The following IMMP2L variants were observed in gnomAD, a reference collection of about 807,000 sequenced individuals.
IMMP2L encodes mitochondrial inner membrane protease subunit 2.
In IMMP2L, 18 loss-of-function variants were observed where a neutral mutation model predicts 19.3. That is an observed-to-expected ratio of 0.93 (90% CI 0.64 to 1.38). IMMP2L has a LOEUF of 1.38. Among genes scored for constraint, IMMP2L ranks in the 40% most tolerant of loss-of-function variants. The probability of loss-of-function intolerance (pLI) is 0.00; values close to 1 mark genes in which losing one functional copy is unlikely to be tolerated. For missense variants in IMMP2L, 233 were observed against 218.2 expected (o/e 1.07, Z -0.43); for synonymous variants, 76 against 73.0 (o/e 1.04, Z -0.21).
intron 5 of IMMP2L, among the ~76,000 whole-genome samples, chr7:110,691,909 G>T (rs1793533400): frequency 6.6e-6 from 1 of 152,150 alleles, no homozygotes; most frequent in Non-Finnish European, 1.5e-5. Flanking sequence ...ATTTCTCAAA[G>T]AAATTAAAAG....
At chr7:110,800,876 G>A (rs1384543919) in intron 5 of IMMP2L, among the ~76,000 whole-genome samples, 1 of 152,068 alleles carries the variant, frequency 6.6e-6, no homozygotes, top group Non-Finnish European at 1.5e-5. Context: ...GGATGAAGAA[G>A]TGGCTCCAAG....
At chr7:111,331,312 A>G (rs1322596966) in intron 3 of IMMP2L, among the ~76,000 whole-genome samples, 2 of 151,976 alleles carry the variant, frequency 1.3e-5, no homozygotes, top group Admixed American at 6.6e-5. Context: ...TGCTAAGTGA[A>G]ATAAATAAGG....
chr7:111,061,433 T>C (rs868047451), intron 3 of IMMP2L, among the ~76,000 whole-genome samples: 2 of 152,132 alleles, frequency 1.3e-5, no homozygotes, highest in Non-Finnish European at 2.9e-5. Context: ...TTGGAGGAGC[T>C]GGAAATGACG....
intron 5 of IMMP2L, among the ~76,000 whole-genome samples, chr7:110,799,344 C>T (rs1801085808): frequency 6.6e-6 from 1 of 151,910 alleles, no homozygotes; most frequent in African/African-American, 2.4e-5. Context: ...TGAAAGGGGA[C>T]TTTAAATTGA....
At chr7:110,869,005 A>T (rs6967454) in intron 5 of IMMP2L, among the ~76,000 whole-genome samples, 5 of 152,024 alleles carry the variant, frequency 3.3e-5, no homozygotes, top group African/African-American at 1.2e-4. Flanking sequence ...TTTCTAACAC[A>T]AGAATATTTT....
intron 3 of IMMP2L, among the ~76,000 whole-genome samples, chr7:111,283,623 C>T (rs1365434999): frequency 6.6e-6 from 1 of 152,106 alleles, no homozygotes; most frequent in Non-Finnish European, 1.5e-5. Context: ...AAGAACACTA[C>T]TCCAAGGGGC....
intron 3 of IMMP2L, among the ~76,000 whole-genome samples, chr7:111,222,731 T>C (rs1293527012): frequency 6.6e-6 from 1 of 152,016 alleles, no homozygotes; most frequent in Non-Finnish European, 1.5e-5. Context: ...AATGTATAAG[T>C]GTATAAAATA....
chr7:110,695,150 G>A (rs1016870111), intron 5 of IMMP2L, among the ~76,000 whole-genome samples: 24 of 152,072 alleles, frequency 1.6e-4, no homozygotes, highest in African/African-American at 4.8e-4. Context: ...TGGTTGTACC[G>A]CATCATAAAA....
intron 1 of IMMP2L, among the ~76,000 whole-genome samples, chr7:111,545,857 C>G (rs1848883159): frequency 6.6e-6 from 1 of 152,078 alleles, no homozygotes; most frequent in Admixed American, 6.6e-5. Context: ...AAATAACCTC[C>G]ATCCCTGTTC....
intron 2 of IMMP2L, among the ~76,000 whole-genome samples, chr7:111,502,061 T>C (rs1403949404): frequency 5.9e-5 from 9 of 152,066 alleles, no homozygotes; most frequent in Non-Finnish European, 1.2e-4. Context: ...CAGTGTGCTG[T>C]ATTCAGGAAA....
intron 3 of IMMP2L, among the ~76,000 whole-genome samples, chr7:111,119,361 C>T (rs1401142188): frequency 1.3e-5 from 2 of 152,190 alleles, no homozygotes; most frequent in Non-Finnish European, 2.9e-5. Context: ...CCCCTCCAGA[C>T]TGAAATTTTA....
intron 3 of IMMP2L, among the ~76,000 whole-genome samples, chr7:111,218,419 C>T (rs1254996506): frequency 6.6e-6 from 1 of 151,628 alleles, no homozygotes; most frequent in African/African-American, 2.4e-5. Flanking sequence ...TAATAAAACA[C>T]AAGTGGAAAC....
At chr7:111,338,781 A>G (rs1006328448) in intron 3 of IMMP2L, among the ~76,000 whole-genome samples, 10 of 152,144 alleles carry the variant, frequency 6.6e-5, no homozygotes, top group Admixed American at 1.3e-4. Flanking sequence ...AGAAAGAACT[A>G]GCAATAGAAA....
At chr7:111,298,779 G>T (rs1034244952) in intron 3 of IMMP2L, among the ~76,000 whole-genome samples, 3 of 149,680 alleles carry the variant, frequency 2.0e-5, no homozygotes. Context: ...AAAAGCAGCC[G>T]ATCTTTTTTT....
Position 111,331,789 on chromosome 7 carries a change from T to C in IMMP2L, c.239+155449A>G, listed in dbSNP as rs971987645. 5.9e-5 allele frequency among the ~76,000 whole-genome samples: 9 copies of C among 151,880 alleles called. No homozygotes were observed. The Admixed American group carries it at 5.9e-4, about 10-fold the overall frequency. ...AAATAAAGGGAAATCCAAGGATTTG[T>C]ATATAGCCAAGCTGCCTTCGAGTAT... is the stretch of plus-strand genomic sequence containing the variant. On this transcript the variant is annotated intron_variant, in intron 3 of 5. Transcript: ENST00000405709.
chr7:111,009,332 A>G (rs937538503), intron 3 of IMMP2L, among the ~76,000 whole-genome samples: 1 of 152,076 alleles, frequency 6.6e-6, no homozygotes, highest in African/African-American at 2.4e-5. Context: ...TAGTAAGCCA[A>G]ATTAATTGTG....
intron 5 of IMMP2L, among the ~76,000 whole-genome samples, chr7:110,771,951 C>T (rs1255319522): frequency 6.6e-6 from 1 of 152,116 alleles, no homozygotes; most frequent in African/African-American, 2.4e-5. Context: ...CAGACTTCCT[C>T]TATGGTATTA....
chr7:111,141,570 G>T (rs1037887870), intron 3 of IMMP2L, among the ~76,000 whole-genome samples: 1 of 151,612 alleles, frequency 6.6e-6, no homozygotes, highest in Non-Finnish European at 1.5e-5. Flanking sequence ...TTATAAATCT[G>T]CAAACATCTC....
At chr7:111,317,451 T>C (rs185348053) in intron 3 of IMMP2L, among the ~76,000 whole-genome samples, 1 of 152,276 alleles carries the variant, frequency 6.6e-6, no homozygotes, top group East Asian at 1.9e-4. Context: ...AAAGAAATAC[T>C]ACCTGACTCT....
Sources: allele counts gnomAD v4.1 joint callset (sites outside exome capture counted in the v4.1 genomes callset), GRCh38; gene constraint gnomAD v4.1.1; transcripts MANE v1.5; gene names NCBI Gene and HGNC (gene_info 2026-07-23, HGNC 2026-07-21).